PPP6R3: variants seen among roughly 807,000 people sequenced by gnomAD.
PPP6R3 encodes the protein serine/threonine-protein phosphatase 6 regulatory subunit 3.
In PPP6R3, 38 loss-of-function variants were observed where a neutral mutation model predicts 110.7. The observed-to-expected ratio is 0.34, with a 90% CI of 0.26 to 0.45. The LOEUF (loss-of-function observed/expected upper bound fraction) is 0.45, where lower values mean the gene tolerates loss of function less well. Ranked by LOEUF, PPP6R3 falls within the 20% of genes least tolerant of loss-of-function variation. PPP6R3 has a pLI of 1.00. For missense variants in PPP6R3, 870 were observed against 1,062.4 expected (o/e 0.82, Z 2.52); for synonymous variants, 369 against 373.5 (o/e 0.99, Z 0.14).
At chr11:68,584,513 C>T (rs2099572190) in intron 15 of PPP6R3, among the ~76,000 whole-genome samples, 1 of 152,160 alleles carries the variant, frequency 6.6e-6, no homozygotes, top group Admixed American at 6.5e-5. Context: ...TGAAATACAG[C>T]TTTAAGAAAA....
chr11:68,588,758 TA>T (rs367918194), intron 16 of PPP6R3, among the ~76,000 whole-genome samples: 2,453 of 141,494 alleles, frequency 0.017, 27 homozygotes, highest in Middle Eastern at 0.051. Context: ...ACTCGGTCTT[TA>T]AAAAAAAAAA....
intron 7 of PPP6R3, 78 bp from the exon 8 acceptor site, chr11:68,558,488 T>C: frequency 2.3e-6 from 2 of 872,420 alleles, no homozygotes; most frequent in Non-Finnish European, 3.8e-6. Flanking sequence ...GATGCTTGTC[T>C]TGTACCGTCG....
At chr11:68,516,274 A>T (rs1409490840) in intron 1 of PPP6R3, among the ~76,000 whole-genome samples, 2 of 152,210 alleles carry the variant, frequency 1.3e-5, no homozygotes, top group Non-Finnish European at 2.9e-5. Context: ...TGCCAACACG[A>T]TGCCACAAGT....
chr11:68,566,147 C>G (rs144330287), intron 9 of PPP6R3, among the ~76,000 whole-genome samples: 17 of 152,298 alleles, frequency 1.1e-4, no homozygotes, highest in African/African-American at 3.1e-4. Flanking sequence ...GAGGCAACGT[C>G]TGAATTTGCA....
At chr11:68,603,265 G>A (rs994892066) in intron 21 of PPP6R3, 77 bp from the exon 22 acceptor site, 65 of 1,552,892 alleles carry the variant, frequency 4.2e-5, no homozygotes, top group African/African-American at 1.4e-5. Context: ...ACGTTGGGTA[G>A]ATGGGTTTGT....
At chr11:68,465,557 A>G (rs2098739781) in intron 1 of PPP6R3, among the ~76,000 whole-genome samples, 1 of 152,264 alleles carries the variant, frequency 6.6e-6, no homozygotes, top group South Asian at 2.1e-4. Flanking sequence ...TCATCCTGAA[A>G]TTCGGCCTGT....
At chr11:68,485,824 A>G (rs764345748) in intron 1 of PPP6R3, among the ~76,000 whole-genome samples, 1 of 152,142 alleles carries the variant, frequency 6.6e-6, no homozygotes, top group Non-Finnish European at 1.5e-5. Flanking sequence ...TCTCCCAAGT[A>G]GCAGGGACTA....
At chr11:68,497,498 G>T (rs142031045) in intron 1 of PPP6R3, among the ~76,000 whole-genome samples, 5 of 152,036 alleles carry the variant, frequency 3.3e-5, no homozygotes, top group Non-Finnish European at 7.4e-5. Flanking sequence ...GACTACAGAC[G>T]TATGCTACCA....
At position 68,495,155 on chromosome 11, in the gene PPP6R3, C is replaced by G. The variant is rs151150366; in HGVS notation, c.-157-24346C>G. On this transcript the variant is annotated intron_variant, in intron 1 of 23. Coordinates refer to ENST00000393800, the MANE Select transcript of PPP6R3 (RefSeq NM_001164161.2). ...CACTTCCCTACTGTGTTACCTGGAT[C>G]AGTTACTGTCTCTCCAGCTCAGATT... is the stretch of plus-strand genomic sequence containing the variant. 2.7e-3 allele frequency among the ~76,000 whole-genome samples: 408 copies of G among 152,302 alleles called. 4 individuals are homozygous for G. The highest frequency in any genetic ancestry group is 8.6e-3 in the African/African-American group (356 of 41,562).
In PPP6R3 at chr11:68,600,249, A is replaced by T. The variant is rs1593968884; in HGVS notation, c.2039-92A>T. 2.1e-6 allele frequency: 3 copies of T among 1,404,864 alleles called. No individual in the cohort carries two copies. In the East Asian group the frequency reaches 6.8e-5, roughly 32 times the overall value. The allele number at this position is 1,404,864 out of a possible 1,614,324, so 87.0% of individuals were successfully genotyped here. On this transcript the variant is annotated intron_variant, in intron 19 of 23. Coordinates refer to ENST00000393800, the MANE Select transcript of PPP6R3 (RefSeq NM_001164161.2). ...GAGAGTGTCTTTCTCCCACAGCTCCAGTCTCTTTTGCTAATGTGTTTTTGA... is the reference window on the plus strand; with the variant it reads ...GAGAGTGTCTTTCTCCCACAGCTCCTGTCTCTTTTGCTAATGTGTTTTTGA...
chr11:68,570,106 A>G (rs746935009), intron 11 of PPP6R3, among the ~76,000 whole-genome samples: 14 of 152,260 alleles, frequency 9.2e-5, no homozygotes, highest in Non-Finnish European at 2.1e-4. Flanking sequence ...ACAGTCTTGT[A>G]AGAAAAAAGC....
At chr11:68,562,872 C>G (rs958364519) in intron 8 of PPP6R3, among the ~76,000 whole-genome samples, 20 of 152,074 alleles carry the variant, frequency 1.3e-4, no homozygotes, top group Admixed American at 1.2e-3. Flanking sequence ...AAACCCAATT[C>G]ATAAAACAGA....
At chr11:68,567,592 GAC>G (rs1414495585) in intron 10 of PPP6R3, among the ~76,000 whole-genome samples, 1 of 152,156 alleles carries the variant, frequency 6.6e-6, no homozygotes, top group Non-Finnish European at 1.5e-5. Flanking sequence ...TCTTCCTTGA[GAC>G]ACAGTTATTA....
chr11:68,600,637 A>C, intron 20 of PPP6R3, 143 bp downstream of exon 20: 1 of 897,776 alleles, frequency 1.1e-6, no homozygotes, highest in Non-Finnish European at 1.6e-6. Flanking sequence ...TCAGCATACT[A>C]ACACAGCTCT....
chr11:68,464,111 C>T (rs1231294567), intron 1 of PPP6R3, among the ~76,000 whole-genome samples: 2 of 152,150 alleles, frequency 1.3e-5, no homozygotes, highest in East Asian at 3.8e-4. Flanking sequence ...TGGACTCCAC[C>T]TCTGGAAATG....
intron 3 of PPP6R3, among the ~76,000 whole-genome samples, chr11:68,543,462 A>G (rs1375961834): frequency 6.7e-6 from 1 of 148,232 alleles, no homozygotes; most frequent in African/African-American, 2.5e-5. Flanking sequence ...GGACCTTCTC[A>G]TACTCTTCTG....
chr11:68,477,741 A>AAAATATATATATATAT, intron 1 of PPP6R3, among the ~76,000 whole-genome samples: 37 of 57,902 alleles, frequency 6.4e-4, no homozygotes, highest in Non-Finnish European at 9.6e-4. Flanking sequence ...AAAAAAAAAA[A>AAAATATATATATATAT]ATATATATAT....
At chr11:68,598,417 G>A (rs940356869) in intron 19 of PPP6R3, among the ~76,000 whole-genome samples, 11 of 152,208 alleles carry the variant, frequency 7.2e-5, no homozygotes, top group African/African-American at 1.7e-4. Context: ...GCGAGGAGGC[G>A]AGCACCCTGG....
intron 14 of PPP6R3, among the ~76,000 whole-genome samples, chr11:68,576,700 G>A (rs2153808378): frequency 6.6e-6 from 1 of 152,288 alleles, no homozygotes; most frequent in East Asian, 1.9e-4. Context: ...ACAAGTACAT[G>A]CCAGCTGATA....
Sources: allele counts gnomAD v4.1 joint callset (sites outside exome capture counted in the v4.1 genomes callset), GRCh38; gene constraint gnomAD v4.1.1; transcripts MANE v1.5; gene names NCBI Gene and HGNC (gene_info 2026-07-23, HGNC 2026-07-21).